Variants in DRP2 observed in about 807,000 individuals in gnomAD.
The protein encoded by DRP2 is dystrophin-related protein 2.
Under a neutral mutation model 78.2 loss-of-function variants are expected in DRP2, and 29 were observed. The observed-to-expected ratio is 0.37, with a 90% CI of 0.28 to 0.51. DRP2 has a LOEUF of 0.51. DRP2 is among the 20% of genes least tolerant of loss of function. The pLI is 0.94. For missense variants in DRP2, 686 were observed against 770.6 expected, an observed-to-expected ratio of 0.89 and a Z score of 1.30; for synonymous variants, 290 against 281.9, an observed-to-expected ratio of 1.03 and a Z score of -0.29.
Position 101,256,275 on chromosome X carries a change from TAGC to T in DRP2, c.2390+17_2390+19del. 1 of 1,163,077 alleles carries T rather than the reference TAGC, an allele frequency of 8.6e-7. No individual in the cohort carries two copies. The highest frequency in any genetic ancestry group is 1.1e-6 in the Non-Finnish European group (1 of 872,009). On this transcript the variant is annotated intron_variant, in intron 21 of 23. Transcript: ENST00000395209. Reference sequence around the variant, plus strand: ...AGATGAGAACCGGTGGGTGTGATGATAGCAGAAATCTGTGTGGGTTCTTGAGGC... The same window carrying T: ...AGATGAGAACCGGTGGGTGTGATGATAGAAATCTGTGTGGGTTCTTGAGGC...
At chrX:101,225,408 A>G (rs1569507619) in intron 2 of DRP2, among the ~76,000 whole-genome samples, 1 of 111,536 alleles carries the variant, frequency 9.0e-6, no homozygotes, top group East Asian at 2.8e-4. Context: ...TCTGAGACAC[A>G]ACTGCCTGGG....
chrX:101,253,569 A>G (rs1923222379), intron 17 of DRP2, among the ~76,000 whole-genome samples: 1 of 61,099 alleles, frequency 1.6e-5, no homozygotes, highest in Non-Finnish European at 2.9e-5. Context: ...TTTTTTTGAG[A>G]CAGAGTCTCA....
chrX:101,240,089 A>G (rs988646460), intron 6 of DRP2, among the ~76,000 whole-genome samples: 1 of 112,495 alleles, frequency 8.9e-6, no homozygotes, highest in Admixed American at 9.4e-5. Flanking sequence ...AATAATCATA[A>G]TTTAAAAATA....
intron 3 of DRP2, among the ~76,000 whole-genome samples, chrX:101,234,428 CCA>C (rs1223009856): frequency 8.8e-6 from 1 of 113,078 alleles, no homozygotes. Context: ...CCGGAATTCT[CCA>C]GAGACAAAGC....
At chrX:101,260,446 C>T in intron 23 of DRP2, 51 bp from the exon 24 acceptor site, 1 of 1,179,891 alleles carries the variant, frequency 8.5e-7, no homozygotes, top group Non-Finnish European at 1.1e-6. Flanking sequence ...ACCCCTTGGC[C>T]TCATAAAGGA....
intron 1 of DRP2, among the ~76,000 whole-genome samples, chrX:101,224,212 T>TTTTTTTTTTTTTTTTTTTTTTGTTTTTG (rs1922025437): frequency 1.3e-5 from 1 of 75,098 alleles, no homozygotes; most frequent in African/African-American, 5.5e-5. Flanking sequence ...TTTTTTTTTT[T>TTTTTTTTTTTTTTTTTTTTTTGTTTTTG]TTTTTTTTTG....
At chrX:101,234,135 A>C (rs745731002) in intron 3 of DRP2, among the ~76,000 whole-genome samples, 1 of 112,566 alleles carries the variant, frequency 8.9e-6, no homozygotes, top group African/African-American at 3.2e-5. Flanking sequence ...AGTTGAAGAC[A>C]AGGCTTATTT....
At chrX:101,227,669 T>G (rs73556807) in intron 2 of DRP2, among the ~76,000 whole-genome samples, 26,558 of 111,306 alleles carry the variant, frequency 0.24, 2,637 homozygotes, top group African/African-American at 0.34. Flanking sequence ...CTTGATACAT[T>G]AGCAAACTAA....
chrX:101,243,254 C>T lies in DRP2; in HGVS notation c.1054+272C>T, dbSNP rs1345920928. Among the ~76,000 whole-genome samples the T allele has an allele frequency of 5.5e-5, 6 of 109,926 alleles. No individual in the cohort carries two copies. The South Asian group carries it at 1.6e-3, about 29-fold the overall frequency. On this transcript the variant is annotated intron_variant, in intron 9 of 23. Transcript: ENST00000395209. ...CCAGCCTGGCCAACATGCAAAACTCCGTCTCTACTAAAAATACAAAAATTA... is the reference window on the plus strand; with the variant it reads ...CCAGCCTGGCCAACATGCAAAACTCTGTCTCTACTAAAAATACAAAAATTA...
chrX:101,262,773 G>A lies in DRP2; in HGVS notation c.*2152G>A, dbSNP rs1034684874. ...AGGCGGGCATCAATCATAGAACCTG[G>A]GCATCAGTCAGAGTGGGAGCATATT... On this transcript the variant is annotated 3_prime_UTR_variant, in exon 24 of 24. Coordinates refer to ENST00000395209, the MANE Select transcript of DRP2 (RefSeq NM_001939.3). 1 of 111,386 alleles carries A rather than the reference G, an allele frequency of 9.0e-6. No individual in the cohort carries two copies. The highest frequency in any genetic ancestry group is 3.3e-5 in the African/African-American group (1 of 30,521). 9.2% of individuals were successfully genotyped at this position (111,386 alleles called of 1,213,427 possible).
At chrX:101,248,483 C>G in intron 13 of DRP2, 31 bp from the exon 14 acceptor site, 1 of 1,195,229 alleles carries the variant, frequency 8.4e-7, no homozygotes, top group Non-Finnish European at 1.1e-6. Flanking sequence ...TACATACATT[C>G]ATATTCTCAG....
intron 3 of DRP2, among the ~76,000 whole-genome samples, chrX:101,232,971 C>T (rs1922361161): frequency 8.9e-6 from 1 of 112,285 alleles, no homozygotes; most frequent in South Asian, 3.7e-4. Context: ...ACCTTTTTCT[C>T]AAAGATTCAG....
At chrX:101,229,228 C>T (rs1259089429) in intron 2 of DRP2, among the ~76,000 whole-genome samples, 1 of 111,767 alleles carries the variant, frequency 8.9e-6, no homozygotes, top group Non-Finnish European at 1.9e-5. Context: ...GAAAGCAAGC[C>T]TCTTGTAGCC....
intron 9 of DRP2, among the ~76,000 whole-genome samples, chrX:101,244,064 G>A (rs760264202): frequency 1.8e-5 from 2 of 111,640 alleles, no homozygotes; most frequent in East Asian, 2.8e-4. Flanking sequence ...GCAATGGGAG[G>A]AACTTCAGAT....
intron 2 of DRP2, among the ~76,000 whole-genome samples, chrX:101,226,823 C>G (rs5967273): frequency 0.43 from 47,386 of 110,833 alleles, 8,665 homozygotes; most frequent in African/African-American, 0.69. Context: ...ACCTCTTATA[C>G]CATAATTTCT....
intron 10 of DRP2, 42 bp downstream of exon 10, chrX:101,245,119 C>T: frequency 8.9e-7 from 1 of 1,129,722 alleles, no homozygotes; most frequent in Non-Finnish European, 1.2e-6. Context: ...GTCACCTGCC[C>T]ACCCCCTCCC....
chrX:101,246,477 T>A (rs986034694), intron 11 of DRP2, among the ~76,000 whole-genome samples: 5 of 112,394 alleles, frequency 4.4e-5, no homozygotes, highest in Non-Finnish European at 9.4e-5. Context: ...GACACGTGGG[T>A]CATTTCTTGT....
At chrX:101,254,057 G>A (rs1923247160) in intron 17 of DRP2, among the ~76,000 whole-genome samples, 1 of 111,341 alleles carries the variant, frequency 9.0e-6, no homozygotes, top group Non-Finnish European at 1.9e-5. Context: ...CGAGGTAGGA[G>A]GATTTCTTGA....
chrX:101,224,203 T>TG (rs1569507514), intron 1 of DRP2, among the ~76,000 whole-genome samples: 22 of 69,509 alleles, frequency 3.2e-4, no homozygotes, highest in Non-Finnish European at 4.2e-4. Flanking sequence ...TTTTTTTTTT[T>TG]TTTTTTTTTT....
Sources: allele counts gnomAD v4.1 joint callset (sites outside exome capture counted in the v4.1 genomes callset), GRCh38; gene constraint gnomAD v4.1.1; transcripts MANE v1.5; gene names NCBI Gene and HGNC (gene_info 2026-07-23, HGNC 2026-07-21).